Variants in AKAP9 observed in about 807,000 individuals in gnomAD.
AKAP9 encodes A-kinase anchor protein 9.
Under a neutral mutation model 488.5 loss-of-function variants are expected in AKAP9, and 311 were observed. The observed-to-expected ratio is 0.64, with a 90% CI of 0.58 to 0.70. The LOEUF is 0.70. Among genes scored for constraint, AKAP9 ranks in the 30% least tolerant of loss-of-function variants. The pLI is 0.00. For synonymous variants in AKAP9, 1,462 were observed against 1,483.5 expected (o/e 0.99, Z 0.33); for missense variants, 4,215 against 4,374.5 (o/e 0.96, Z 1.03).
intron 49 of AKAP9, chr7:92,108,963 G>A (rs1818948755): frequency 1.4e-5 from 6 of 427,578 alleles, no homozygotes; most frequent in African/African-American, 4.0e-5. Flanking sequence ...ACTGGAGAAC[G>A]TATTCCTAAG....
In AKAP9 at chr7:92,079,992, C is replaced by T. The variant is rs201124319; in HGVS notation, c.7859C>T (p.Thr2620Ile). Residue 2620 changes from threonine (T) to isoleucine (I), a missense_variant, in exon 31 of 50, where the codon ACT (threonine) becomes ATT (isoleucine). Around this residue, in one of 5 missense-constraint regions of AKAP9, gnomAD observed 1,476 missense variants for 1,477.4 expected, o/e 1.00. Transcript: ENST00000356239. ...ELESQVVEMH[T>I]SLILEKEQVE... is the part of the protein sequence containing the mutation. ...GAAAGCCAGGTTGTTGAAATGCATA[C>T]TAGTTTGATTTTAGAAAAAGAACAA... The T allele has an allele frequency of 1.9e-6, 3 of 1,568,410 alleles. No homozygotes were observed. The highest frequency in any genetic ancestry group is 1.2e-5 in the South Asian group (1 of 81,980).
rs142729919 is a variant in AKAP9, at chr7:92,099,831, A to G, written c.10858A>G (p.Ile3620Val). The G allele has an allele frequency of 5.3e-4, 852 of 1,614,052 alleles. 2 individuals carry two copies. In the African/African-American group the frequency reaches 0.01, roughly 19 times the overall value. ...RNMVMKLEEQIRWYRQTGAGR... is the reference protein window; with the variant it reads ...RNMVMKLEEQVRWYRQTGAGR... ...CATGGTTATGAAGCTGGAAGAGCAGATCAGGTGGTATCGACAGACAGGAGC... is the reference window on the plus strand; with the variant it reads ...CATGGTTATGAAGCTGGAAGAGCAGGTCAGGTGGTATCGACAGACAGGAGC... The change falls in exon 44 of 50, where the codon ATC (isoleucine) becomes GTC (valine). Residue 3620 changes from isoleucine (I) to valine (V), a missense_variant. Physicochemically the swap from Ile to Val is conservative, Grantham distance 29. Coordinates refer to ENST00000356239, the MANE Select transcript of AKAP9 (RefSeq NM_005751.5).
chr7:92,042,916 A>G (rs1806358773), intron 20 of AKAP9, 145 bp downstream of exon 20: 2 of 556,374 alleles, frequency 3.6e-6, no homozygotes, highest in South Asian at 2.0e-5. Flanking sequence ...ATGTCCATGT[A>G]TGTGTAGTAT....
rs779223487 is a variant in AKAP9, at chr7:92,029,999, AT to A, written c.4245+13del. ...ATTGATGGTACAATAGAGGTATTAT[AT>A]TTTTAATTTTTATCTTTTAACTGTT... On this transcript the variant is annotated intron_variant, in intron 15 of 49. Transcript: ENST00000356239. The A allele has an allele frequency of 1.2e-4, 179 of 1,548,702 alleles. No individual in the cohort carries two copies. Among genetic ancestry groups the A allele is most frequent in the Non-Finnish European group, 1.5e-4 (172 of 1,123,922 alleles).
intron 1 of AKAP9, among the ~76,000 whole-genome samples, chr7:91,969,740 G>A (rs1353514822): frequency 1.3e-5 from 2 of 151,772 alleles, no homozygotes; most frequent in Non-Finnish European, 2.9e-5. Flanking sequence ...TTCTTTTTTG[G>A]TGTCCAGTTG....
intron 34 of AKAP9, 32 bp downstream of exon 34, chr7:92,084,735 G>A (rs1217382350): frequency 6.2e-7 from 1 of 1,606,824 alleles, no homozygotes; most frequent in South Asian, 1.1e-5. Context: ...AATGTTTGTA[G>A]TAGTTGTTTA....
Position 92,067,127 on chromosome 7 carries a change from A to T in AKAP9, c.6330+581A>T, listed in dbSNP as rs189921828. 2.0e-4 allele frequency among the ~76,000 whole-genome samples: 31 copies of T among 152,266 alleles called. No individual in the cohort carries two copies. In the East Asian group the frequency reaches 6.0e-3, roughly 29 times the overall value. On this transcript the variant is annotated intron_variant, in intron 26 of 49. Coordinates refer to ENST00000356239, the MANE Select transcript of AKAP9 (RefSeq NM_005751.5). ...GTCTTTGTTTCTCCTTTTCCTACCC[A>T]GCATAAATGATGGAGTGCCCCAAAA...
intron 46 of AKAP9, 136 bp from the exon 47 acceptor site, chr7:92,105,542 A>C: frequency 2.7e-6 from 2 of 728,008 alleles, no homozygotes; most frequent in Non-Finnish European, 4.9e-6. Flanking sequence ...ACAGGCATTG[A>C]CATAGTTTAA....
intron 1 of AKAP9, among the ~76,000 whole-genome samples, chr7:91,957,517 G>A (rs1273697212): frequency 1.3e-5 from 2 of 152,110 alleles, no homozygotes; most frequent in Non-Finnish European, 2.9e-5. Context: ...TATGTATTTA[G>A]TAGAATAATG....
At position 92,095,171 on chromosome 7, in the gene AKAP9, G is replaced by A; in HGVS notation, c.9727G>A (p.Glu3243Lys). Residue 3243 changes from glutamate (E) to lysine (K), a missense_variant and splice_region_variant, in exon 40 of 50, where the codon GAG becomes AAG. By Grantham distance (56) the Glu-to-Lys change is moderately conservative. Around this residue, in one of 5 missense-constraint regions of AKAP9, gnomAD observed 1,476 missense variants for 1,477.4 expected, o/e 1.00. Transcript: ENST00000356239. ...TGAAGAACGGGATAAAGAAGAACTT[G>A]AGGTACTGTTATCTTTGTCTTTAAA... The part of the protein sequence containing the change: ...RSEERDKEEL[E>K]DLKFSLESQK... 1 of 1,614,184 alleles carries A rather than the reference G, an allele frequency of 6.2e-7. No individual in the cohort carries two copies. Among genetic ancestry groups the A allele is most frequent in the Non-Finnish European group, 8.5e-7 (1 of 1,180,016 alleles).
intron 7 of AKAP9, among the ~76,000 whole-genome samples, chr7:91,997,614 T>C (rs1232740736): frequency 2.0e-5 from 3 of 152,138 alleles, no homozygotes; most frequent in Non-Finnish European, 4.4e-5. Context: ...GAGCAAAAAA[T>C]GGTGTAACTT....
chr7:92,011,701 G>A (rs191496172), intron 8 of AKAP9, among the ~76,000 whole-genome samples: 3 of 152,304 alleles, frequency 2.0e-5, no homozygotes, highest in African/African-American at 7.2e-5. Flanking sequence ...TGAGATCCTT[G>A]TGAAATTTTA....
At chr7:92,086,971 A>G (rs571895675) in intron 37 of AKAP9, among the ~76,000 whole-genome samples, 1 of 152,220 alleles carries the variant, frequency 6.6e-6, no homozygotes, top group African/African-American at 2.4e-5. Flanking sequence ...TAGGAACACC[A>G]TAAAGCACTT....
intron 23 of AKAP9, among the ~76,000 whole-genome samples, 197 bp downstream of exon 23, chr7:92,061,619 T>TAA (rs984907185): frequency 7.2e-6 from 1 of 138,940 alleles, no homozygotes; most frequent in Non-Finnish European, 1.5e-5. Context: ...TATATATATA[T>TAA]AAAATTATAA....
At chr7:92,022,756 TATTTC>T in intron 13 of AKAP9, 53 bp from the exon 14 acceptor site, 1 of 1,111,764 alleles carries the variant, frequency 9.0e-7, no homozygotes, top group Non-Finnish European at 1.3e-6. Context: ...GTGATTGTGC[TATTTC>T]ACTAAGAAAC....
At chr7:91,966,269 C>T (rs1794432124) in intron 1 of AKAP9, among the ~76,000 whole-genome samples, 1 of 152,036 alleles carries the variant, frequency 6.6e-6, no homozygotes, top group Admixed American at 6.6e-5. Flanking sequence ...CAAAAAAAAA[C>T]TTTCCCCAGA....
In AKAP9 at chr7:92,002,394, T is replaced by C. The variant is rs534185372; in HGVS notation, c.2477T>C (p.Ile826Thr). ...SVWEKEIEIL[I>T]EENEDLKQQC... is the part of the protein sequence containing the mutation. ...TGGGAAAAAGAAATAGAAATACTTA[T>C]AGAGGAAAATGAGGACCTCAAACAA... Residue 826 changes from isoleucine to threonine, a missense_variant, in exon 8 of 50, where the codon ATA becomes ACA. Transcript: ENST00000356239. 2.7e-4 allele frequency: 430 copies of C among 1,610,766 alleles called. 7 individuals are homozygous for C. The South Asian group carries it at 3.6e-3, about 14-fold the overall frequency.
intron 16 of AKAP9, among the ~76,000 whole-genome samples, chr7:92,032,808 A>G (rs1222778493): frequency 6.6e-6 from 1 of 152,058 alleles, no homozygotes; most frequent in Admixed American, 6.6e-5. Context: ...AGGAATGCAA[A>G]TTTTCTCTTG....
intron 31 of AKAP9, among the ~76,000 whole-genome samples, chr7:92,081,756 T>C (rs928351281): frequency 1.3e-5 from 2 of 152,040 alleles, no homozygotes; most frequent in Non-Finnish European, 2.9e-5. Flanking sequence ...ATATGACAGA[T>C]AGGACAAGAG....
Sources: gnomAD v4.1 joint callset for allele counts (sites outside exome capture counted in the v4.1 genomes callset) on GRCh38, gnomAD v4.1.1 for gene constraint, gnomAD v4.1.1 regional missense constraint, MANE v1.5 for transcripts, NCBI Gene and HGNC (gene_info 2026-07-23, HGNC 2026-07-21) for gene names.